The following MYOM1 variants were observed in gnomAD, a reference collection of about 807,000 sequenced individuals.
MYOM1 encodes myomesin-1.
In MYOM1, 164 loss-of-function variants were observed where a neutral mutation model predicts 205.3. The ratio of observed to expected loss-of-function variants is 0.80; its 90% CI spans 0.70 to 0.91. The LOEUF is 0.91. Ranked by LOEUF, MYOM1 falls within the 40% of genes least tolerant of loss-of-function variation. The pLI is 0.00. For missense variants in MYOM1, 2,011 were observed against 2,127.3 expected, an observed-to-expected ratio of 0.95 and a Z score of 1.08; for synonymous variants, 772 against 789.4, an observed-to-expected ratio of 0.98 and a Z score of 0.37.
intron 2 of MYOM1, among the ~76,000 whole-genome samples, chr18:3,198,707 C>A (rs1490909441): frequency 6.6e-6 from 1 of 151,458 alleles, no homozygotes; most frequent in Non-Finnish European, 1.5e-5. Context: ...TGCTTCAACC[C>A]GGAAGAGGGA....
intron 14 of MYOM1, among the ~76,000 whole-genome samples, chr18:3,136,284 C>T (rs1419503009): frequency 2.6e-5 from 4 of 152,016 alleles, no homozygotes; most frequent in African/African-American, 4.8e-5. Context: ...ACTAATACAG[C>T]GTTGTATTGT....
intron 20 of MYOM1, among the ~76,000 whole-genome samples, chr18:3,118,617 A>T (rs1296485207): frequency 1.3e-5 from 2 of 152,126 alleles, no homozygotes; most frequent in Non-Finnish European, 2.9e-5. Context: ...TACAGGAATG[A>T]GCCACCGCAC....
chr18:3,143,720 G>A (rs1311356309), intron 13 of MYOM1, among the ~76,000 whole-genome samples: 1 of 151,800 alleles, frequency 6.6e-6, no homozygotes, highest in African/African-American at 2.4e-5. Flanking sequence ...GGGCAACATG[G>A]TGAAAACCCA....
At chr18:3,206,006 A>G (rs1175036467) in intron 2 of MYOM1, among the ~76,000 whole-genome samples, 1 of 152,180 alleles carries the variant, frequency 6.6e-6, no homozygotes. Flanking sequence ...TCAATCAAGG[A>G]AGAAAGGATG....
At chr18:3,071,918 A>G in intron 36 of MYOM1, 29 bp from the exon 37 acceptor site, 1 of 1,590,332 alleles carries the variant, frequency 6.3e-7, no homozygotes, top group South Asian at 1.1e-5. Flanking sequence ...TGGGTTAATC[A>G]CTGCAGTGGC....
In MYOM1 at chr18:3,188,820, T is replaced by C. The variant is rs1256061634; in HGVS notation, c.699A>G (p.Glu233=). 1.2e-6 allele frequency: 2 copies of C among 1,610,666 alleles called. No homozygotes were observed. Among genetic ancestry groups the C allele is most frequent in the South Asian group, 2.2e-5 (2 of 90,958 alleles). The change falls in exon 4 of 38, where the codon GAA becomes GAG. Residue 233 remains glutamate, a synonymous_variant. Coordinates refer to ENST00000356443, the MANE Select transcript of MYOM1 (RefSeq NM_003803.4). ...SKQATSALQQ[E]ETSEKKSRKV... is the part of the protein sequence containing the mutation. ...TCCTTGACTTCTTTTCAGAAGTTTC[T>C]TCCTGTTGAAGAGCGGATGTGGCCT...
chr18:3,193,347 C>CATAT (rs546949478), intron 3 of MYOM1, among the ~76,000 whole-genome samples: 1 of 140,762 alleles, frequency 7.1e-6, no homozygotes, highest in Non-Finnish European at 1.5e-5. Flanking sequence ...TGTACATATA[C>CATAT]ATATATATAT....
At chr18:3,197,507 T>C (rs2081003961) in intron 2 of MYOM1, among the ~76,000 whole-genome samples, 2 of 152,200 alleles carry the variant, frequency 1.3e-5, no homozygotes, top group Admixed American at 6.5e-5. Context: ...TACTACTGTA[T>C]AAATAGTCTA....
At chr18:3,232,671 C>T in the MYOM1 span, among the ~76,000 whole-genome samples, 3,103 of 152,288 alleles carry the variant, frequency 0.02, 46 homozygotes, top group Non-Finnish European at 0.031. Context: ...TTCTTCCCAA[C>T]AAGGATACTT....
At chr18:3,159,358 T>C (rs1162008308) in intron 10 of MYOM1, among the ~76,000 whole-genome samples, 2 of 152,206 alleles carry the variant, frequency 1.3e-5, no homozygotes, top group Admixed American at 1.3e-4. Flanking sequence ...GCTGTAAGAA[T>C]ATCAGAGCTC....
chr18:3,147,818 T>C lies in MYOM1; in HGVS notation c.1900+1327A>G, dbSNP rs115838478. On this transcript the variant is annotated intron_variant, in intron 13 of 37. Transcript: ENST00000356443. Reference sequence around the variant, plus strand: ...ATGCAAGTATGAACGATAGTAATAATTGAGGCCCTTACTTCTTGTAATGTA... The same window carrying C: ...ATGCAAGTATGAACGATAGTAATAACTGAGGCCCTTACTTCTTGTAATGTA... Among the ~76,000 whole-genome samples the C allele has an allele frequency of 7.2e-3, 1,092 of 152,298 alleles. 22 individuals are homozygous for C. Among genetic ancestry groups the C allele is most frequent in the African/African-American group, 0.022 (921 of 41,562 alleles).
intron 6 of MYOM1, 34 bp from the exon 7 acceptor site, chr18:3,174,242 A>C: frequency 1.9e-6 from 3 of 1,574,262 alleles, no homozygotes; most frequent in Non-Finnish European, 2.6e-6. Context: ...TATCCATCGT[A>C]GTGACAATCC....
chr18:3,236,117 A>G, the MYOM1 span, among the ~76,000 whole-genome samples: 1 of 152,194 alleles, frequency 6.6e-6, no homozygotes, highest in African/African-American at 2.4e-5. Context: ...CTCTGAGTGA[A>G]GTAGGACACT....
chr18:3,229,932 C>T, the MYOM1 span, among the ~76,000 whole-genome samples: 25 of 137,384 alleles, frequency 1.8e-4, no homozygotes, highest in Admixed American at 5.7e-4. Context: ...GCCGAGATTG[C>T]GCCATTGCAC....
chr18:3,188,288 C>G (rs73375184), intron 4 of MYOM1, among the ~76,000 whole-genome samples: 3 of 152,040 alleles, frequency 2.0e-5, no homozygotes, highest in Admixed American at 6.6e-5. Flanking sequence ...TGTTTTCTTA[C>G]GTTTTGTTTC....
the MYOM1 span, among the ~76,000 whole-genome samples, chr18:3,230,871 T>C: frequency 3.3e-5 from 5 of 152,322 alleles, no homozygotes; most frequent in South Asian, 1.0e-3. Context: ...CAATTCTTTG[T>C]TCATGATGCC....
Position 3,154,976 on chromosome 18 carries a change from C to T in MYOM1, c.1614G>A (p.Gly538=), listed in dbSNP as rs974769204. 6.2e-7 allele frequency: 1 copy of T among 1,612,512 alleles called. No homozygotes were observed. The part of the protein sequence containing the change: ...ISWKQPAVDG[G]SPILGYFIDK... ...CAATAAAATATCCGAGAATAGGACT[C>T]CCTCCATCGACAGCTGGCTGTTTCC... The change falls in exon 11 of 38, where the codon GGG becomes GGA. Residue 538 remains glycine, a synonymous_variant. Coordinates refer to ENST00000356443, the MANE Select transcript of MYOM1 (RefSeq NM_003803.4).
chr18:3,080,687 T>A (rs55812792), intron 33 of MYOM1, among the ~76,000 whole-genome samples: 17,545 of 149,830 alleles, frequency 0.12, 1,117 homozygotes, highest in African/African-American at 0.15. Flanking sequence ...AAAAAAAAAA[T>A]TTCCTACCTA....
chr18:3,148,238 T>C (rs1036257912), intron 13 of MYOM1, among the ~76,000 whole-genome samples: 3 of 152,236 alleles, frequency 2.0e-5, no homozygotes, highest in African/African-American at 7.2e-5. Context: ...CCTAGGTATT[T>C]ACACAAGACA....
Sources: allele counts gnomAD v4.1 joint callset (sites outside exome capture counted in the v4.1 genomes callset), GRCh38; gene constraint gnomAD v4.1.1; transcripts MANE v1.5; gene names NCBI Gene and HGNC (gene_info 2026-07-23, HGNC 2026-07-21).